Variants in STAM2 observed in about 807,000 individuals in gnomAD.
The protein encoded by STAM2 is signal transducing adapter molecule 2.
Under a neutral mutation model 65.6 loss-of-function variants are expected in STAM2, and 51 were observed. The ratio of observed to expected loss-of-function variants is 0.78; its 90% CI spans 0.62 to 0.98. The LOEUF is 0.98. STAM2 is among the 50% of genes least tolerant of loss of function. STAM2 has a pLI of 0.00. For missense variants in STAM2, 584 were observed against 617.8 expected, an observed-to-expected ratio of 0.95 and a Z score of 0.58; for synonymous variants, 198 against 208.4, an observed-to-expected ratio of 0.95 and a Z score of 0.43.
chr2:152,130,417 A>G (rs1018553846), intron 11 of STAM2, among the ~76,000 whole-genome samples: 9 of 151,786 alleles, frequency 5.9e-5, no homozygotes, highest in African/African-American at 2.2e-4. Context: ...ACGCCCGGCT[A>G]ATTTTTTGTA....
intron 1 of STAM2, among the ~76,000 whole-genome samples, chr2:152,166,675 A>C (rs1418720947): frequency 6.6e-6 from 1 of 152,184 alleles, no homozygotes; most frequent in Non-Finnish European, 1.5e-5. Flanking sequence ...AATGTTTGAA[A>C]AAAAAAAAGT....
chr2:152,143,686 C>T (rs1689289679), intron 7 of STAM2, 141 bp downstream of exon 7: 2 of 543,866 alleles, frequency 3.7e-6, no homozygotes, highest in Admixed American at 3.8e-5. Context: ...CATTACATGC[C>T]TAACTTTTAT....
At chr2:152,168,224 G>C (rs1019966329) in intron 1 of STAM2, among the ~76,000 whole-genome samples, 1 of 151,824 alleles carries the variant, frequency 6.6e-6, no homozygotes, top group East Asian at 1.9e-4. Context: ...GCAGTGGCGC[G>C]ATCTTGGCTC....
intron 7 of STAM2, among the ~76,000 whole-genome samples, chr2:152,139,031 C>T (rs148051888): frequency 0.014 from 2,196 of 152,280 alleles, 21 homozygotes; most frequent in Non-Finnish European, 0.024. Context: ...AAATTGACAA[C>T]TCCTTCCCAG....
chr2:152,164,904 C>T (rs1400376527), intron 1 of STAM2, among the ~76,000 whole-genome samples: 1 of 152,098 alleles, frequency 6.6e-6, no homozygotes, highest in Non-Finnish European at 1.5e-5. Flanking sequence ...TGGGGCCAGC[C>T]TTTATTTTCC....
At chr2:152,144,109 A>T in intron 6 of STAM2, 96 bp from the exon 7 acceptor site, 19 of 924,428 alleles carry the variant, frequency 2.1e-5, no homozygotes, top group East Asian at 1.3e-4. Flanking sequence ...TAAATCAAGC[A>T]TTTTATTTGT....
chr2:152,169,790 G>C (rs1215777645), intron 1 of STAM2, among the ~76,000 whole-genome samples: 1 of 151,830 alleles, frequency 6.6e-6, no homozygotes, highest in African/African-American at 2.4e-5. Flanking sequence ...TGGAACAACA[G>C]GAATTTCACT....
intron 8 of STAM2, 141 bp from the exon 9 acceptor site, chr2:152,133,625 A>C: frequency 1.6e-6 from 1 of 628,122 alleles, no homozygotes; most frequent in Non-Finnish European, 2.8e-6. Flanking sequence ...AATCAATATT[A>C]CATACGTTTA....
At chr2:152,150,572 AG>A (rs1281733225) in intron 1 of STAM2, among the ~76,000 whole-genome samples, 1 of 152,244 alleles carries the variant, frequency 6.6e-6, no homozygotes, top group African/African-American at 2.4e-5. Flanking sequence ...AGGCCAAGGC[AG>A]GAAGATCGTT....
rs918342643 is a variant in STAM2, at chr2:152,141,736, G to A, written c.704+2091C>T. Among the ~76,000 whole-genome samples the A allele has an allele frequency of 8.6e-5, 13 of 151,538 alleles. No homozygotes were observed. The East Asian group carries it at 1.8e-3, about 21-fold the overall frequency. On this transcript the variant is annotated intron_variant, in intron 7 of 13. Coordinates refer to ENST00000263904, the MANE Select transcript of STAM2 (RefSeq NM_005843.6). ...CTCCCAAGTAGCTGGGACTACAGGC[G>A]TGCGCCACCATGCACGGCTAATTTT...
At chr2:152,143,740 T>A in intron 7 of STAM2, 87 bp downstream of exon 7, 1 of 1,083,500 alleles carries the variant, frequency 9.2e-7, no homozygotes. Flanking sequence ...ATGATTTAAA[T>A]ACACTAAAAG....
intron 12 of STAM2, 37 bp downstream of exon 12, chr2:152,126,189 T>C (rs764006293): frequency 3.3e-6 from 5 of 1,529,214 alleles, no homozygotes; most frequent in Non-Finnish European, 4.4e-6. Context: ...TAAAAGTTGT[T>C]TATAATTTAG....
At chr2:152,139,620 G>A (rs1182524178) in intron 7 of STAM2, among the ~76,000 whole-genome samples, 1 of 152,120 alleles carries the variant, frequency 6.6e-6, no homozygotes, top group African/African-American at 2.4e-5. Context: ...CTACAGAACT[G>A]ACTAAAAATA....
At chr2:152,132,022 G>T in intron 11 of STAM2, 92 bp downstream of exon 11, 1 of 870,072 alleles carries the variant, frequency 1.1e-6, no homozygotes, top group Non-Finnish European at 1.8e-6. Context: ...GAATTGTACA[G>T]TTCCACAAAA....
chr2:152,151,399 C>T (rs2105552246), intron 1 of STAM2, among the ~76,000 whole-genome samples: 1 of 152,222 alleles, frequency 6.6e-6, no homozygotes, highest in South Asian at 2.1e-4. Flanking sequence ...TCAGGCTGGT[C>T]TCAAACTCCT....
Position 152,120,640 on chromosome 2 carries a change from C to G in STAM2, c.1512G>C (p.Pro504=), listed in dbSNP as rs765729847. The G allele has an allele frequency of 6.2e-7, 1 of 1,614,030 alleles. No homozygotes were observed. The highest frequency in any genetic ancestry group is 8.5e-7 in the Non-Finnish European group (1 of 1,179,996). Reference sequence around the variant, plus strand: ...CAACTGGATGAGCTGGAACTGTCACCGGAAAGCCTGCCAGTTGAGGCAAAT... The same window carrying G: ...CAACTGGATGAGCTGGAACTGTCACGGGAAAGCCTGCCAGTTGAGGCAAAT... ...TSNLPQLAGF[P]VTVPAHPVAQ... The change falls in exon 14 of 14, where the codon CCG becomes CCC. Residue 504 remains proline (P), a synonymous_variant. Transcript: ENST00000263904.
In STAM2 at chr2:152,147,318, AAAAGG is replaced by A; in HGVS notation, c.301-15_301-11del. On this transcript the variant is annotated splice_polypyrimidine_tract_variant and intron_variant, in intron 4 of 13. Coordinates refer to ENST00000263904, the MANE Select transcript of STAM2 (RefSeq NM_005843.6). ...ATACTTTAGGATGTGCCTTTTAAGG[AAAAGG>A]AAAGGAAAATAAACAAAAATCTACG... The A allele has an allele frequency of 1.3e-6, 2 of 1,527,354 alleles. No individual in the cohort carries two copies. Among genetic ancestry groups the A allele is most frequent in the Non-Finnish European group, 1.7e-6 (2 of 1,145,170 alleles). The allele number at this position is 1,527,354 out of a possible 1,614,324, so 94.6% of individuals were successfully genotyped here.
In STAM2 at chr2:152,150,223, G is replaced by C. The variant is rs951582375; in HGVS notation, c.47C>G (p.Ala16Gly). 1 of 1,610,114 alleles carries C rather than the reference G, an allele frequency of 6.2e-7. No individual in the cohort carries two copies. Among genetic ancestry groups the C allele is most frequent in the Non-Finnish European group, 8.5e-7 (1 of 1,177,104 alleles). Residue 16 changes from alanine (A) to glycine (G), a missense_variant, in exon 2 of 14, where the codon GCC becomes GGC. Physicochemically the swap from Ala to Gly is moderately conservative, Grantham distance 60 (BLOSUM62 0). Coordinates refer to ENST00000263904, the MANE Select transcript of STAM2 (RefSeq NM_005843.6). ...TTCTGTAGTGTTGTACTCATTCGTG[G>C]CTTTTTCTATAAAATATATTGGCAT... is the stretch of plus-strand genomic sequence containing the variant. ...ANPFEQDVEK[A>G]TNEYNTTEDW...
chr2:152,144,093 TAAG>T lies in STAM2; in HGVS notation c.518-83_518-81del, dbSNP rs1689298352. 3 of 1,285,210 alleles carry T rather than the reference TAAG, an allele frequency of 2.3e-6. No individual in the cohort carries two copies. The African/African-American group carries it at 4.6e-5, about 20-fold the overall frequency. The allele number at this position is 1,285,210 out of a possible 1,614,324, so 79.6% of individuals were successfully genotyped here. A position where few individuals can be genotyped will look rare whatever the true frequency, so the allele number is the denominator to read the frequency against. ...CATTAGATGACAATGTAAAATTTAA[TAAG>T]AATAAATCAAGCATTTTATTTGTCT... On this transcript the variant is annotated intron_variant, in intron 6 of 13. Transcript: ENST00000263904.
Sources: gnomAD v4.1 joint callset for allele counts (sites outside exome capture counted in the v4.1 genomes callset) on GRCh38, gnomAD v4.1.1 for gene constraint, MANE v1.5 for transcripts, NCBI Gene and HGNC (gene_info 2026-07-23, HGNC 2026-07-21) for gene names.